Variants in CACNA1A observed in about 807,000 individuals in gnomAD.
CACNA1A encodes voltage-dependent P/Q-type calcium channel subunit alpha-1A.
CACNA1A carries 57 observed loss-of-function variants against 262.4 expected under a neutral mutation model. That is an observed-to-expected ratio of 0.22 (90% confidence interval 0.18 to 0.27). The LOEUF is 0.27. Among genes scored for constraint, CACNA1A ranks in the 10% least tolerant of loss-of-function variants. The pLI is 1.00. For synonymous variants in CACNA1A, 1,431 were observed against 1,419.3 expected, an observed-to-expected ratio of 1.01 and a Z score of -0.18; for missense variants, 2,526 against 3,562.8, an observed-to-expected ratio of 0.71 and a Z score of 7.41.
chr19:13,327,474 C>T (rs1253160891), intron 10 of CACNA1A, among the ~76,000 whole-genome samples: 2 of 144,414 alleles, frequency 1.4e-5, no homozygotes, highest in Non-Finnish European at 3.0e-5. Context: ...GCCGAGATGG[C>T]ACCATTGCTC....
intron 19 of CACNA1A, among the ~76,000 whole-genome samples, chr19:13,297,110 T>A (rs1326179667): frequency 6.6e-6 from 1 of 152,164 alleles, no homozygotes; most frequent in Admixed American, 6.6e-5. Context: ...TACCGAGCAC[T>A]TATTATGTGT....
rs1242842724 is a variant in CACNA1A, at chr19:13,214,718, C to T, written c.5732-110G>A. 1.2e-6 allele frequency: 1 copy of T among 806,600 alleles called. No individual in the cohort carries two copies. Among genetic ancestry groups the T allele is most frequent in the Non-Finnish European group, 2.0e-6 (1 of 489,342 alleles). The allele number at this position is 806,600 out of a possible 1,614,324, so 50.0% of individuals were successfully genotyped here. ...AGAACGAGACCCCAATCTTTCTGGT[C>T]CCCATGGGGTCTCCAGTTCCCCAAC... On this transcript the variant is annotated intron_variant, in intron 38 of 46. Coordinates refer to ENST00000360228, the MANE Select transcript of CACNA1A (RefSeq NM_001127222.2). This position sits in a 1 kb window ranked among gnomAD's most constrained non-coding sequence, Gnocchi z 4.1.
chr19:13,280,705 C>T (rs1326804860), intron 22 of CACNA1A, among the ~76,000 whole-genome samples: 1 of 152,018 alleles, frequency 6.6e-6, no homozygotes, highest in Non-Finnish European at 1.5e-5. Context: ...CTTTGGGAGG[C>T]CAAGGCGGGC....
intron 12 of CACNA1A, among the ~76,000 whole-genome samples, chr19:13,309,164 A>G (rs888679194): frequency 5.9e-5 from 9 of 151,928 alleles, no homozygotes; most frequent in African/African-American, 2.2e-4. Flanking sequence ...ACCCGCCACC[A>G]CGCCCGGCTA....
intron 4 of CACNA1A, among the ~76,000 whole-genome samples, chr19:13,368,434 G>A (rs1208143569): frequency 6.6e-6 from 1 of 151,418 alleles, no homozygotes; most frequent in Non-Finnish European, 1.5e-5. Flanking sequence ...CTGGGCACAA[G>A]CGAGCCTCCT....
chr19:13,261,759 A>C, intron 25 of CACNA1A, 149 bp from the exon 26 acceptor site: 1 of 706,044 alleles, frequency 1.4e-6, no homozygotes, highest in Non-Finnish European at 2.3e-6. Flanking sequence ...AGGTCCCCCC[A>C]GCTTTCAGAA....
Position 13,208,900 on chromosome 19 carries a change from G to T in CACNA1A, c.6636C>A (p.His2212Gln). The change falls in exon 46 of 47, where the codon CAC (histidine) becomes CAA (glutamine). Residue 2212 changes from histidine (H) to glutamine (Q), a missense_variant. His to Gln is a conservative substitution (Grantham distance 24). Coordinates refer to ENST00000360228, the MANE Select transcript of CACNA1A (RefSeq NM_001127222.2). ...PKDRKHRQHH[H>Q]HHHHHHHPPP... is the part of the protein sequence containing the mutation. ...GGGGATGGTGGTGGTGGTGGTGGTGGTGGTGGTGCTGTCGATGCTTCCGAT... is the reference window on the plus strand; with the variant it reads ...GGGGATGGTGGTGGTGGTGGTGGTGTTGGTGGTGCTGTCGATGCTTCCGAT... The T allele has an allele frequency of 6.5e-7, 1 of 1,536,468 alleles. No individual in the cohort carries two copies.
intron 3 of CACNA1A, among the ~76,000 whole-genome samples, chr19:13,379,778 G>A (rs2059483329): frequency 7.1e-6 from 1 of 141,724 alleles, no homozygotes; most frequent in Non-Finnish European, 1.5e-5. Context: ...ACAAAAATTA[G>A]CTGGGCGTGG....
intron 19 of CACNA1A, among the ~76,000 whole-genome samples, chr19:13,295,230 G>T (rs1172147668): frequency 1.3e-5 from 2 of 152,184 alleles, no homozygotes; most frequent in Non-Finnish European, 2.9e-5. Flanking sequence ...GCGAAAGAAT[G>T]ACCTAGAACA....
chr19:13,245,080 A>G, intron 31 of CACNA1A, 102 bp downstream of exon 31: 1 of 966,214 alleles, frequency 1.0e-6, no homozygotes, highest in South Asian at 1.3e-5. Context: ...TCAAGCAGCT[A>G]TGGCTTCCGG....
intron 1 of CACNA1A, among the ~76,000 whole-genome samples, chr19:13,463,155 A>AAG (rs1310733778): frequency 2.0e-5 from 3 of 151,858 alleles, no homozygotes; most frequent in African/African-American, 7.3e-5. Flanking sequence ...TAAAAAAAAA[A>AAG]AAAAATAGAA....
chr19:13,258,925 C>T (rs1282916609), intron 27 of CACNA1A: 1 of 151,460 alleles, frequency 6.6e-6, no homozygotes, highest in Non-Finnish European at 1.5e-5. Context: ...GAACAAATAT[C>T]AATTTCTTCT....
intron 3 of CACNA1A, among the ~76,000 whole-genome samples, chr19:13,437,908 T>C (rs1217992555): frequency 5.3e-5 from 8 of 151,624 alleles, no homozygotes; most frequent in Non-Finnish European, 7.4e-5. Flanking sequence ...GGGAGCCAGG[T>C]TGCGTGTCTG....
At chr19:13,294,768 C>A (rs144155865) in intron 19 of CACNA1A, among the ~76,000 whole-genome samples, 1 of 152,044 alleles carries the variant, frequency 6.6e-6, no homozygotes, top group African/African-American at 2.4e-5. Flanking sequence ...GGATTACAGG[C>A]GTGAACCATC....
chr19:13,312,251 T>C (rs1417642157), intron 12 of CACNA1A, among the ~76,000 whole-genome samples: 20 of 152,126 alleles, frequency 1.3e-4, no homozygotes, highest in Admixed American at 1.3e-3. Flanking sequence ...AATGCCAGGG[T>C]GTTGTAATCT....
intron 3 of CACNA1A, among the ~76,000 whole-genome samples, chr19:13,402,382 G>C (rs777469223): frequency 6.6e-6 from 1 of 152,160 alleles, no homozygotes; most frequent in East Asian, 1.9e-4. Context: ...TTAGAGACTT[G>C]GGGGGAAGAG....
intron 30 of CACNA1A, among the ~76,000 whole-genome samples, chr19:13,250,185 G>A (rs1035936555): frequency 1.3e-5 from 2 of 150,516 alleles, no homozygotes; most frequent in Non-Finnish European, 3.0e-5. Context: ...TCAGCCTCAC[G>A]AGTAGCTGGG....
intron 3 of CACNA1A, among the ~76,000 whole-genome samples, chr19:13,409,025 G>A (rs569803427): frequency 2.6e-5 from 4 of 152,276 alleles, no homozygotes; most frequent in Admixed American, 2.0e-4. Context: ...AGCCTGGCTC[G>A]TGGGGGCCTT....
At chr19:13,432,103 CAA>C (rs71170513) in intron 3 of CACNA1A, among the ~76,000 whole-genome samples, 125 of 64,378 alleles carry the variant, frequency 1.9e-3, no homozygotes, top group African/African-American at 5.2e-3. Flanking sequence ...GACTCCGTCT[CAA>C]AAAAAAAAAA....
Sources: gnomAD v4.1 joint callset for allele counts (sites outside exome capture counted in the v4.1 genomes callset) on GRCh38, gnomAD v4.1.1 for gene constraint, Gnocchi (gnomAD v3.1) non-coding constraint, MANE v1.5 for transcripts, NCBI Gene and HGNC (gene_info 2026-07-23, HGNC 2026-07-21) for gene names.